MACROD1: variants seen among roughly 807,000 people sequenced by gnomAD.
MACROD1 encodes ADP-ribose glycohydrolase MACROD1.
A neutral mutation model predicts 41.4 loss-of-function variants in MACROD1; 31 were observed. The observed-to-expected ratio is 0.75, with a 90% confidence interval of 0.56 to 1.01. The LOEUF (loss-of-function observed/expected upper bound fraction) is 1.01. Among genes scored for constraint, MACROD1 ranks in the 50% least tolerant of loss-of-function variants. The pLI is 0.00. For synonymous variants in MACROD1, 252 were observed against 203.4 expected (o/e 1.24, Z -2.03); for missense variants, 473 against 460.0 (o/e 1.03, Z -0.26).
chr11:64,159,890 G>C (rs1474557302), intron 1 of MACROD1, among the ~76,000 whole-genome samples: 1 of 152,222 alleles, frequency 6.6e-6, no homozygotes, highest in East Asian at 1.9e-4. Context: ...CCAAAAGACT[G>C]AAAGTCTCCC....
At chr11:64,133,081 G>A (rs571880057) in intron 3 of MACROD1, among the ~76,000 whole-genome samples, 7 of 152,250 alleles carry the variant, frequency 4.6e-5, no homozygotes, top group African/African-American at 1.7e-4. Context: ...GCCCTGTGGG[G>A]AACTAGACCT....
In MACROD1 at chr11:64,152,394, CT is replaced by C. The variant is rs1945594862; in HGVS notation, c.299-2del. The C allele has an allele frequency of 6.2e-7, 1 of 1,613,314 alleles. No individual in the cohort carries two copies. Among genetic ancestry groups the C allele is most frequent in the Admixed American group, 1.7e-5 (1 of 60,016 alleles). On this transcript the variant is annotated splice_acceptor_variant, in intron 1 of 10. Transcript: ENST00000255681. LOFTEE classifies it high-confidence loss of function. ...TTGTCACTCAGGCCCTTCAGAAAGG[CT>C]GCAGAGGCAGGAAGGAGGATCAGGG...
chr11:64,001,341 G>A, intron 4 of MACROD1: 1 of 680,978 alleles, frequency 1.5e-6, no homozygotes, highest in Non-Finnish European at 2.7e-6. Context: ...CTGGCCGGGA[G>A]GACAGGGCCC....
intron 3 of MACROD1, chr11:64,103,645 G>A (rs549767509): frequency 1.2e-4 from 19 of 152,096 alleles, no homozygotes; most frequent in African/African-American, 4.6e-4. Flanking sequence ...AGGCCCTTCA[G>A]AAGAGGTGGC....
At chr11:64,006,401 C>A (rs866804073) in intron 4 of MACROD1, among the ~76,000 whole-genome samples, 2 of 152,326 alleles carry the variant, frequency 1.3e-5, no homozygotes, top group South Asian at 2.1e-4. Context: ...GGGTGCAGAG[C>A]CCATCCTCAC....
intron 3 of MACROD1, among the ~76,000 whole-genome samples, chr11:64,042,592 G>A (rs867136885): frequency 7.9e-5 from 12 of 152,090 alleles, no homozygotes; most frequent in African/African-American, 1.2e-4. Flanking sequence ...CTGGCCTGGT[G>A]GCCAGGCCTG....
rs181350591 is a variant in MACROD1, at chr11:64,036,094, C to T, written c.518-20813G>A. 0.014 allele frequency: 2,188 copies of T among 151,904 alleles called. 27 individuals are homozygous for T. Among genetic ancestry groups the T allele is most frequent in the Middle Eastern group, 0.044 (13 of 294 alleles). 9.4% of individuals were successfully genotyped at this position (151,904 alleles called of 1,614,324 possible). ...GGTTCCCGCCCGCTCCTTGGAATAACCCCTGAGGCTCCAGCCGTCACCGCA... is the reference window on the plus strand; with the variant it reads ...GGTTCCCGCCCGCTCCTTGGAATAATCCCTGAGGCTCCAGCCGTCACCGCA... On this transcript the variant is annotated intron_variant, in intron 3 of 10. Transcript: ENST00000255681. This position sits in a 1 kb window ranked among gnomAD's most constrained non-coding sequence, Gnocchi z 5.6.
chr11:64,116,198 C>T (rs1944976107), intron 3 of MACROD1: 1 of 1,535,388 alleles, frequency 6.5e-7, no homozygotes, highest in Admixed American at 1.9e-5. Flanking sequence ...TCTCACTGCC[C>T]CTGTCCTGTG....
rs1490700767 is a variant in MACROD1, at chr11:64,036,451, G to A, written c.518-21170C>T. ...CCGAGCCGAGGCTGGAAAGGGCGGG[G>A]GCTCAGCTGGAGCTCTAGTCCAAGC... On this transcript the variant is annotated intron_variant, in intron 3 of 10. Coordinates refer to ENST00000255681, the MANE Select transcript of MACROD1 (RefSeq NM_014067.4). This position sits in a 1 kb window ranked among gnomAD's most constrained non-coding sequence, Gnocchi z 5.6. Among the ~76,000 whole-genome samples, 1 of 152,160 alleles carries A rather than the reference G, an allele frequency of 6.6e-6. No individual in the cohort carries two copies. Among genetic ancestry groups the A allele is most frequent in the South Asian group, 2.1e-4 (1 of 4,834 alleles).
rs779976677 is a variant in MACROD1 at position 64,151,288 on chromosome 11, C to A, written c.468G>T (p.Leu156=). 1 of 1,614,008 alleles carries A rather than the reference C, an allele frequency of 6.2e-7. No individual in the cohort carries two copies. Among genetic ancestry groups the A allele is most frequent in the Non-Finnish European group, 8.5e-7 (1 of 1,180,042 alleles). ...CCAGCTTGGTGATGTCGCTGCGGAG[C>A]AGGGAGATTTTCTCATTGAGCTGCT... is the stretch of plus-strand genomic sequence containing the variant. The part of the protein sequence containing the change: ...KDKQLNEKIS[L]LRSDITKLEV... Residue 156 remains leucine (L), a synonymous_variant, in exon 3 of 11, where the codon CTG becomes CTT. Transcript: ENST00000255681.
chr11:64,040,974 G>A (rs1449015926), intron 3 of MACROD1, among the ~76,000 whole-genome samples: 1 of 152,032 alleles, frequency 6.6e-6, no homozygotes, highest in African/African-American at 2.4e-5. Flanking sequence ...GGCAGACGGG[G>A]TCTATTGTCT....
At chr11:64,134,857 T>C (rs1945311201) in intron 3 of MACROD1, among the ~76,000 whole-genome samples, 1 of 152,244 alleles carries the variant, frequency 6.6e-6, no homozygotes, top group Non-Finnish European at 1.5e-5. Flanking sequence ...GTAGGAGCTC[T>C]TCGCATATTA....
At chr11:64,053,706 C>A (rs963252163) in intron 3 of MACROD1, among the ~76,000 whole-genome samples, 27 of 152,174 alleles carry the variant, frequency 1.8e-4, no homozygotes, top group African/African-American at 6.5e-4. Flanking sequence ...GGGCCTGGAG[C>A]CCCTACTTTC....
At chr11:64,087,315 A>G (rs143725700) in intron 3 of MACROD1, 1,775 of 152,422 alleles carry the variant, frequency 0.012, 35 homozygotes, top group African/African-American at 0.04. Context: ...ATGTGGGAAC[A>G]GGGTCCGCCA....
chr11:64,154,929 G>A (rs2134715226), intron 1 of MACROD1, among the ~76,000 whole-genome samples: 1 of 152,306 alleles, frequency 6.6e-6, no homozygotes, highest in Middle Eastern at 3.4e-3. Context: ...ATGTTGGCCA[G>A]GCTGGACTTG....
At chr11:64,074,856 C>T (rs1944174186) in intron 3 of MACROD1, among the ~76,000 whole-genome samples, 1 of 152,216 alleles carries the variant, frequency 6.6e-6, no homozygotes, top group Non-Finnish European at 1.5e-5. Context: ...GAGCTCTGAC[C>T]TCACTCCAGG....
intron 3 of MACROD1, among the ~76,000 whole-genome samples, chr11:64,040,425 G>C (rs899343691): frequency 6.6e-6 from 1 of 152,154 alleles, no homozygotes; most frequent in Admixed American, 6.5e-5. Flanking sequence ...CAAGGCACCC[G>C]GCCAGGGCTG....
At chr11:64,101,727 C>T (rs1383087333) in intron 3 of MACROD1, among the ~76,000 whole-genome samples, 1 of 152,220 alleles carries the variant, frequency 6.6e-6, no homozygotes, top group African/African-American at 2.4e-5. Flanking sequence ...CTGTCCTCAT[C>T]TTCCCTCCTG....
chr11:64,130,491 T>A (rs953217868), intron 3 of MACROD1, among the ~76,000 whole-genome samples: 1 of 151,874 alleles, frequency 6.6e-6, no homozygotes, highest in African/African-American at 2.4e-5. Flanking sequence ...AGAAGAGGCG[T>A]CGGAACCTGG....
Sources: allele counts gnomAD v4.1 joint callset (sites outside exome capture counted in the v4.1 genomes callset), GRCh38; gene constraint gnomAD v4.1.1; non-coding constraint Gnocchi (gnomAD v3.1); transcripts MANE v1.5; gene names NCBI Gene and HGNC (gene_info 2026-07-23, HGNC 2026-07-21).